Variants in PSTPIP2 observed in about 807,000 individuals in gnomAD.
PSTPIP2 encodes proline-serine-threonine phosphatase-interacting protein 2.
PSTPIP2 carries 33 observed loss-of-function variants against 63.3 expected under a neutral mutation model. That is an observed-to-expected ratio of 0.52 (90% CI 0.40 to 0.70). The LOEUF is 0.70. PSTPIP2 is among the 30% of genes least tolerant of loss of function. The probability of loss-of-function intolerance (pLI) is 0.00; values close to 1 mark genes in which losing one functional copy is unlikely to be tolerated. For synonymous variants in PSTPIP2, 125 were observed against 132.7 expected (o/e 0.94, Z 0.40); for missense variants, 312 against 400.7 (o/e 0.78, Z 1.89).
intron 1 of PSTPIP2, among the ~76,000 whole-genome samples, chr18:46,052,152 A>G (rs575538946): frequency 6.6e-6 from 1 of 152,310 alleles, no homozygotes; most frequent in South Asian, 2.1e-4. Context: ...TCAAACAACA[A>G]ATGTGCTGCC....
chr18:46,040,598 C>T (rs1348353708), intron 1 of PSTPIP2, among the ~76,000 whole-genome samples: 2 of 152,140 alleles, frequency 1.3e-5, no homozygotes, highest in African/African-American at 4.8e-5. Flanking sequence ...TTGCTTGGTG[C>T]CCTGCAATAA....
intron 3 of PSTPIP2, among the ~76,000 whole-genome samples, chr18:46,019,120 C>T (rs911141427): frequency 1.3e-5 from 2 of 152,156 alleles, no homozygotes; most frequent in African/African-American, 4.8e-5. Context: ...CTCACTGCTA[C>T]TTTCATGGAG....
intron 14 of PSTPIP2, among the ~76,000 whole-genome samples, chr18:45,985,822 G>A (rs2051461226): frequency 6.7e-6 from 1 of 149,858 alleles, no homozygotes; most frequent in Admixed American, 6.7e-5. Flanking sequence ...TGTTACCCAG[G>A]CTGGAGTGCA....
intron 1 of PSTPIP2, among the ~76,000 whole-genome samples, chr18:46,049,033 T>C (rs1407710269): frequency 6.7e-6 from 1 of 150,112 alleles, no homozygotes; most frequent in African/African-American, 2.4e-5. Flanking sequence ...TGTGTGTGTG[T>C]GTGTGTGTGT....
chr18:46,061,361 G>A lies in PSTPIP2; in HGVS notation c.33+10795C>T, dbSNP rs138746958. On this transcript the variant is annotated intron_variant, in intron 1 of 14. Transcript: ENST00000409746. ...TTCATGACCAAAATGAGGCTGCTTCGCACTGAGAAACAATAGCTCTAAGTC... is the reference window on the plus strand; with the variant it reads ...TTCATGACCAAAATGAGGCTGCTTCACACTGAGAAACAATAGCTCTAAGTC... Among the ~76,000 whole-genome samples the A allele has an allele frequency of 1.8e-3, 276 of 151,668 alleles. 1 individual carries two copies. Among genetic ancestry groups the A allele is most frequent in the African/African-American group, 6.4e-3 (263 of 41,300 alleles).
At chr18:46,039,158 A>C (rs1908094418) in intron 2 of PSTPIP2, among the ~76,000 whole-genome samples, 1 of 152,120 alleles carries the variant, frequency 6.6e-6, no homozygotes, top group African/African-American at 2.4e-5. Flanking sequence ...TTTGGCCCCA[A>C]ATCCTCTTAA....
chr18:46,050,292 A>C (rs1908541788), intron 1 of PSTPIP2, among the ~76,000 whole-genome samples: 1 of 152,186 alleles, frequency 6.6e-6, no homozygotes, highest in Non-Finnish European at 1.5e-5. Context: ...AAAACTGGCC[A>C]AGTGCAGTGG....
intron 2 of PSTPIP2, among the ~76,000 whole-genome samples, chr18:46,029,981 G>A (rs1258419357): frequency 1.3e-5 from 2 of 152,194 alleles, no homozygotes; most frequent in Non-Finnish European, 2.9e-5. Context: ...AGGTGTGGTG[G>A]CAGGTGCCTG....
intron 1 of PSTPIP2, among the ~76,000 whole-genome samples, chr18:46,066,615 T>A (rs982612124): frequency 2.0e-5 from 3 of 152,220 alleles, no homozygotes; most frequent in Admixed American, 6.5e-5. Context: ...GCCCCACGTG[T>A]GTGGGCTTTG....
At position 45,988,997 on chromosome 18, in the gene PSTPIP2, A is replaced by G. The variant is rs570220154; in HGVS notation, c.956-238T>C. Among the ~76,000 whole-genome samples, 6 of 152,354 alleles carry G rather than the reference A, an allele frequency of 3.9e-5. No homozygotes were observed. In the East Asian group the frequency reaches 1.2e-3, roughly 29 times the overall value. The stretch of plus-strand genomic sequence containing the variant: ...TCATCCATGCTCAGGTACAGTACCC[A>G]CAGTAAAATCATCTTTAAAAATGGA... On this transcript the variant is annotated intron_variant, in intron 13 of 14. Transcript: ENST00000409746.
intron 1 of PSTPIP2, among the ~76,000 whole-genome samples, chr18:46,053,900 A>T (rs1351174479): frequency 6.6e-6 from 1 of 152,224 alleles, no homozygotes; most frequent in African/African-American, 2.4e-5. Flanking sequence ...AACTACAATC[A>T]TATGTCACTC....
At chr18:46,024,753 C>T in intron 2 of PSTPIP2, 67 bp from the exon 3 acceptor site, 1 of 1,342,768 alleles carries the variant, frequency 7.4e-7, no homozygotes, top group Non-Finnish European at 1.1e-6. Flanking sequence ...ACACAATGAC[C>T]CTCCCTTGGA....
Position 45,985,412 on chromosome 18 carries a change from C to G in PSTPIP2, c.*47G>C. On this transcript the variant is annotated 3_prime_UTR_variant, in exon 15 of 15. Coordinates refer to ENST00000409746, the MANE Select transcript of PSTPIP2 (RefSeq NM_024430.4). Reference sequence around the variant, plus strand: ...GGTCCTGCTGCTCTGGGTGCCCTTTCCATATCACAGAAGCACTAGCCGGAA... The same window carrying G: ...GGTCCTGCTGCTCTGGGTGCCCTTTGCATATCACAGAAGCACTAGCCGGAA... The G allele has an allele frequency of 6.2e-7, 1 of 1,612,806 alleles. No individual in the cohort carries two copies. Among genetic ancestry groups the G allele is most frequent in the Non-Finnish European group, 8.5e-7 (1 of 1,179,420 alleles).
intron 9 of PSTPIP2, among the ~76,000 whole-genome samples, chr18:45,997,072 T>C (rs926292844): frequency 6.6e-6 from 1 of 152,220 alleles, no homozygotes; most frequent in Non-Finnish European, 1.5e-5. Flanking sequence ...AACCCAACAT[T>C]AGACTAAAAT....
At position 46,037,740 on chromosome 18, in the gene PSTPIP2, C is replaced by T. The variant is rs147189995; in HGVS notation, c.134+2207G>A. On this transcript the variant is annotated intron_variant, in intron 2 of 14. Coordinates refer to ENST00000409746, the MANE Select transcript of PSTPIP2 (RefSeq NM_024430.4). Reference sequence around the variant, plus strand: ...GAGGCCCAAAGCCAAGCAGGCCACACGCTCAGGGGCTGCATCTCCACGCCC... The same window carrying T: ...GAGGCCCAAAGCCAAGCAGGCCACATGCTCAGGGGCTGCATCTCCACGCCC... Among the ~76,000 whole-genome samples the T allele has an allele frequency of 4.7e-3, 722 of 152,314 alleles. 11 individuals are homozygous for T. Among genetic ancestry groups the T allele is most frequent in the Admixed American group, 0.029 (451 of 15,306 alleles).
intron 3 of PSTPIP2, among the ~76,000 whole-genome samples, chr18:46,022,237 G>A (rs1237920314): frequency 1.3e-5 from 2 of 151,832 alleles, no homozygotes; most frequent in Non-Finnish European, 2.9e-5. Flanking sequence ...TTCCTCCTCA[G>A]TAGTTCAATA....
At chr18:45,987,610 G>C (rs1408262171) in intron 14 of PSTPIP2, among the ~76,000 whole-genome samples, 2 of 152,168 alleles carry the variant, frequency 1.3e-5, no homozygotes, top group African/African-American at 2.4e-5. Context: ...AAACAGGAAG[G>C]AAAAATATTA....
At chr18:45,985,510 C>T (rs2051457781) in intron 14 of PSTPIP2, 60 bp from the exon 15 acceptor site, 3 of 1,539,104 alleles carry the variant, frequency 1.9e-6, no homozygotes, top group Non-Finnish European at 2.7e-6. Context: ...ATACTCTCTC[C>T]TACCTTGAGA....
chr18:46,041,135 C>T (rs559635027), intron 1 of PSTPIP2: 5 of 447,850 alleles, frequency 1.1e-5, no homozygotes, highest in Non-Finnish European at 2.2e-5. Flanking sequence ...AAGCCAGGAA[C>T]CAGGATTCAG....
Sources: allele counts gnomAD v4.1 joint callset (sites outside exome capture counted in the v4.1 genomes callset), GRCh38; gene constraint gnomAD v4.1.1; transcripts MANE v1.5; gene names NCBI Gene and HGNC (gene_info 2026-07-23, HGNC 2026-07-21).